Variants in SHQ1 observed in about 807,000 individuals in gnomAD.
SHQ1 encodes SHQ1, H/ACA ribonucleoprotein assembly factor.
SHQ1 carries 49 observed loss-of-function variants against 53.8 expected under a neutral mutation model. The ratio of observed to expected loss-of-function variants is 0.91; its 90% CI spans 0.72 to 1.16. The LOEUF is 1.16. Among genes scored for constraint, SHQ1 ranks in the 50% most tolerant of loss-of-function variants. The probability of loss-of-function intolerance (pLI) is 0.00; values close to 1 mark genes in which losing one functional copy is unlikely to be tolerated. For missense variants in SHQ1, 738 were observed against 683.1 expected, an observed-to-expected ratio of 1.08 and a Z score of -0.90; for synonymous variants, 243 against 251.0, an observed-to-expected ratio of 0.97 and a Z score of 0.30.
chr3:72,745,731 T>C (rs1004747736), downstream of SHQ1, among the ~76,000 whole-genome samples: 2 of 151,280 alleles, frequency 1.3e-5, no homozygotes, highest in African/African-American at 4.9e-5. Context: ...TTTATAAAAG[T>C]GCTTTGAACA....
At chr3:72,846,373 C>T (rs1708329310) in intron 1 of SHQ1, 2 of 1,424,968 alleles carry the variant, frequency 1.4e-6, no homozygotes, top group Non-Finnish European at 1.9e-6. Context: ...TGGCTCACTG[C>T]AACCTTCGCC....
chr3:72,733,385 T>G, the SHQ1 span, among the ~76,000 whole-genome samples: 1 of 151,552 alleles, frequency 6.6e-6, no homozygotes, highest in East Asian at 1.9e-4. Context: ...GTCTCTATGA[T>G]GTGCTAGGCA....
intron 5 of SHQ1, among the ~76,000 whole-genome samples, chr3:72,827,823 C>A (rs1043751519): frequency 3.4e-5 from 5 of 144,946 alleles, no homozygotes; most frequent in Non-Finnish European, 7.4e-5. Flanking sequence ...GGCGCAATCT[C>A]GGCTCACTGC....
the SHQ1 span, among the ~76,000 whole-genome samples, chr3:72,730,694 T>C: frequency 6.6e-6 from 1 of 152,158 alleles, no homozygotes; most frequent in Admixed American, 6.5e-5. Flanking sequence ...TGGACGAAAA[T>C]GGCCCTTTCA....
At chr3:72,790,826 A>G (rs1465137139) in intron 10 of SHQ1, among the ~76,000 whole-genome samples, 1 of 152,246 alleles carries the variant, frequency 6.6e-6, no homozygotes, top group Non-Finnish European at 1.5e-5. Flanking sequence ...TCAAATTGGT[A>G]AAGTTGAAAA....
intron 4 of SHQ1, among the ~76,000 whole-genome samples, chr3:72,835,106 C>CT (rs761840255): frequency 0.017 from 2,233 of 130,766 alleles, 57 homozygotes; most frequent in African/African-American, 0.052. Context: ...CCATCAGCTT[C>CT]TTTTTTTTTT....
intron 8 of SHQ1, among the ~76,000 whole-genome samples, chr3:72,814,921 G>A (rs1032720421): frequency 6.6e-6 from 1 of 152,052 alleles, no homozygotes; most frequent in Admixed American, 6.6e-5. Context: ...CTGAGAATAG[G>A]TGAAGTTTTT....
downstream of SHQ1, among the ~76,000 whole-genome samples, chr3:72,747,281 TC>T (rs2106691908): frequency 6.6e-6 from 1 of 152,272 alleles, no homozygotes; most frequent in Admixed American, 6.5e-5. Context: ...CAGCTTAAAC[TC>T]AAGTGGGAAA....
chr3:72,840,510 C>T (rs781444017), intron 4 of SHQ1, among the ~76,000 whole-genome samples: 76 of 149,730 alleles, frequency 5.1e-4, no homozygotes, highest in Non-Finnish European at 9.6e-4. Flanking sequence ...CAGCCGAGAT[C>T]GTGCCACTGC....
At chr3:72,809,348 A>T (rs574286044) in intron 9 of SHQ1, among the ~76,000 whole-genome samples, 16 of 152,290 alleles carry the variant, frequency 1.1e-4, no homozygotes, top group African/African-American at 3.9e-4. Context: ...GAACTTTTTT[A>T]AAATCTAAAG....
chr3:72,752,405 C>G (rs764345284), intron 10 of SHQ1, among the ~76,000 whole-genome samples: 1 of 152,088 alleles, frequency 6.6e-6, no homozygotes, highest in Non-Finnish European at 1.5e-5. Flanking sequence ...TTTTCACTGC[C>G]TATTGTTTTA....
chr3:72,763,504 C>A (rs1705653301), intron 10 of SHQ1, among the ~76,000 whole-genome samples: 1 of 152,134 alleles, frequency 6.6e-6, no homozygotes, highest in Non-Finnish European at 1.5e-5. Flanking sequence ...GTGTCCCTGA[C>A]AAAGATGTGT....
chr3:72,801,577 G>C (rs1407400467), intron 9 of SHQ1, among the ~76,000 whole-genome samples: 1 of 152,062 alleles, frequency 6.6e-6, no homozygotes, highest in Non-Finnish European at 1.5e-5. Flanking sequence ...AATTTATTTT[G>C]GTGATCTCAA....
At chr3:72,781,432 C>G (rs752176099) in intron 10 of SHQ1, among the ~76,000 whole-genome samples, 1 of 152,136 alleles carries the variant, frequency 6.6e-6, no homozygotes, top group Non-Finnish European at 1.5e-5. Flanking sequence ...GAAATAAACA[C>G]AATAATTAGA....
intron 5 of SHQ1, among the ~76,000 whole-genome samples, chr3:72,831,177 T>C (rs905942998): frequency 1.3e-5 from 2 of 152,206 alleles, no homozygotes; most frequent in African/African-American, 4.8e-5. Flanking sequence ...TCCTCCAAAA[T>C]GTAACATACC....
intron 9 of SHQ1, chr3:72,809,502 T>C (rs1436142510): frequency 6.6e-6 from 1 of 152,090 alleles, no homozygotes; most frequent in Admixed American, 6.5e-5. Context: ...AAAAATTAAG[T>C]TGATGTTTCT....
chr3:72,796,756 G>A (rs938257830), intron 9 of SHQ1, among the ~76,000 whole-genome samples: 1 of 151,940 alleles, frequency 6.6e-6, no homozygotes, highest in Non-Finnish European at 1.5e-5. Context: ...GGAGGTGGAC[G>A]TTGCAGTGAG....
At chr3:72,804,537 C>T (rs1481526160) in intron 9 of SHQ1, among the ~76,000 whole-genome samples, 1 of 150,738 alleles carries the variant, frequency 6.6e-6, no homozygotes, top group East Asian at 2.0e-4. Context: ...ATTCCTATTA[C>T]ACAATAAACT....
chr3:72,834,304 G>A (rs1256985994), intron 4 of SHQ1, among the ~76,000 whole-genome samples: 10 of 152,274 alleles, frequency 6.6e-5, no homozygotes, highest in South Asian at 4.2e-4. Context: ...CAAGGCGGGC[G>A]GATCACCTGA....
Sources: allele counts gnomAD v4.1 joint callset (sites outside exome capture counted in the v4.1 genomes callset), GRCh38; gene constraint gnomAD v4.1.1; transcripts MANE v1.5; gene names NCBI Gene and HGNC (gene_info 2026-07-23, HGNC 2026-07-21).